The following PUM2 variants were observed in gnomAD, a reference collection of about 807,000 sequenced individuals.
PUM2 encodes the protein pumilio homolog 2.
Under a neutral mutation model 124.5 loss-of-function variants are expected in PUM2, and 57 were observed. The ratio of observed to expected loss-of-function variants is 0.46; its 90% CI spans 0.37 to 0.57. PUM2 has a LOEUF of 0.57. PUM2 is among the 20% of genes least tolerant of loss of function. PUM2 has a pLI of 0.00. For missense variants in PUM2, 1,065 were observed against 1,290.6 expected (o/e 0.83, Z 2.68); for synonymous variants, 460 against 446.1 (o/e 1.03, Z -0.39).
chr2:20,290,624 A>C (rs143513104), intron 10 of PUM2, 28 bp downstream of exon 10: 1 of 1,582,936 alleles, frequency 6.3e-7, no homozygotes, highest in Non-Finnish European at 8.6e-7. Flanking sequence ...AAATCTATTC[A>C]AATTTCCACA....
chr2:20,336,683 G>A (rs1160588729), intron 1 of PUM2, among the ~76,000 whole-genome samples: 1 of 49,476 alleles, frequency 2.0e-5, no homozygotes. Context: ...TGGCTAATTT[G>A]TGTGTGTGTG....
intron 5 of PUM2, among the ~76,000 whole-genome samples, chr2:20,311,071 A>G (rs887640631): frequency 3.9e-5 from 6 of 152,054 alleles, no homozygotes; most frequent in African/African-American, 1.4e-4. Flanking sequence ...GTCTCCTCTT[A>G]AAAGTTAAAT....
intron 13 of PUM2, among the ~76,000 whole-genome samples, chr2:20,269,786 A>AT (rs766030683): frequency 9.9e-4 from 151 of 152,328 alleles, no homozygotes; most frequent in Non-Finnish European, 1.7e-3. Context: ...TCTATCAGCA[A>AT]TTTTTAAAAA....
Position 20,312,478 on chromosome 2 carries a change from G to T in PUM2, c.161-55C>A, listed in dbSNP as rs548122841. The T allele has an allele frequency of 2.2e-5, 32 of 1,464,202 alleles. No individual in the cohort carries two copies. In the Admixed American group the frequency reaches 2.5e-4, roughly 12 times the overall value. 90.7% of individuals were successfully genotyped at this position (1,464,202 alleles called of 1,614,324 possible). A position where few individuals can be genotyped will look rare whatever the true frequency, so the allele number is the denominator to read the frequency against. ...CTTATACTTTTAAGTTAAACAAAAT[G>T]TAGTTAAATTAATATACTGAAGTAA... On this transcript the variant is annotated intron_variant, in intron 3 of 20. Transcript: ENST00000361078.
chr2:20,334,265 T>C (rs1283069706), intron 1 of PUM2, among the ~76,000 whole-genome samples: 1 of 152,110 alleles, frequency 6.6e-6, no homozygotes, highest in Non-Finnish European at 1.5e-5. Context: ...TGAGCCATGG[T>C]CCGCTCCACT....
chr2:20,297,474 T>C (rs541930526), intron 8 of PUM2, 79 bp downstream of exon 8: 4 of 1,270,996 alleles, frequency 3.1e-6, no homozygotes, highest in Non-Finnish European at 4.2e-6. Flanking sequence ...ATTGCCCAAA[T>C]AGAGAAAAAT....
rs1685295653 is a variant in PUM2 at position 20,333,295 on chromosome 2, GAGGCTATGGTGGGAGGATCGC to G, written c.-18-5938_-18-5918del. ...ATGCCTGTAATCCTAACACATTATT[GAGGCTATGGTGGGAGGATCGC>G]TTGAGGCCAGGAATTCAAGACCATC... On this transcript the variant is annotated intron_variant, in intron 1 of 20. Transcript: ENST00000361078. Among the ~76,000 whole-genome samples the G allele has an allele frequency of 3.2e-4, 49 of 152,246 alleles. No homozygotes were observed. The South Asian group carries it at 9.9e-3, about 31-fold the overall frequency.
At chr2:20,339,611 GGCTCATGCCTGTAA>G (rs1686833371) in intron 1 of PUM2, among the ~76,000 whole-genome samples, 1 of 152,206 alleles carries the variant, frequency 6.6e-6, no homozygotes, top group Non-Finnish European at 1.5e-5. Flanking sequence ...CAGGCATGGT[GGCTCATGCCTGTAA>G]GCCCAGCACT....
intron 7 of PUM2, 120 bp downstream of exon 7, chr2:20,307,858 A>G (rs1053890718): frequency 3.0e-6 from 4 of 1,315,046 alleles, no homozygotes; most frequent in Non-Finnish European, 3.0e-6. Context: ...ACAACCTATT[A>G]CTTGTTGATC....
Position 20,300,221 on chromosome 2 carries a change from C to T in PUM2, c.884-2543G>A, listed in dbSNP as rs1310224968. 3.3e-5 allele frequency among the ~76,000 whole-genome samples: 5 copies of T among 151,934 alleles called. No individual in the cohort carries two copies. The East Asian group carries it at 9.6e-4, about 29-fold the overall frequency. ...TTGGAGTGCAGTAGCACGATCTTGG[C>T]TCACCACAACCTCCGCCTCCCGGGT... On this transcript the variant is annotated intron_variant, in intron 7 of 20. Coordinates refer to ENST00000361078, the MANE Select transcript of PUM2 (RefSeq NM_015317.5).
intron 1 of PUM2, among the ~76,000 whole-genome samples, chr2:20,329,174 CAAAAAA>C (rs769818181): frequency 1.6e-5 from 1 of 63,104 alleles, no homozygotes; most frequent in Non-Finnish European, 3.4e-5. Context: ...ACCCTGTCTC[CAAAAAA>C]AAAAAAAAAA....
intron 3 of PUM2, among the ~76,000 whole-genome samples, chr2:20,315,836 CAAA>C (rs60828412): frequency 4.1e-5 from 3 of 72,348 alleles, no homozygotes; most frequent in Non-Finnish European, 7.7e-5. Flanking sequence ...AACCTGGTCT[CAAA>C]AAAAAAAAAA....
At chr2:20,279,660 A>T (rs1671041121) in intron 12 of PUM2, among the ~76,000 whole-genome samples, 1 of 152,130 alleles carries the variant, frequency 6.6e-6, no homozygotes, top group South Asian at 2.1e-4. Flanking sequence ...AAATGTAACT[A>T]TTATCCTTCT....
At chr2:20,254,619 T>C (rs1253388011) in intron 19 of PUM2, among the ~76,000 whole-genome samples, 7 of 152,214 alleles carry the variant, frequency 4.6e-5, no homozygotes, top group African/African-American at 1.7e-4. Flanking sequence ...TAAATCTGCA[T>C]TTCCAGTGTC....
At chr2:20,338,348 G>A (rs1686548375) in intron 1 of PUM2, among the ~76,000 whole-genome samples, 3 of 152,144 alleles carry the variant, frequency 2.0e-5, no homozygotes, top group Non-Finnish European at 4.4e-5. Flanking sequence ...AGTGAGCCGA[G>A]ACTGCACCAC....
intron 13 of PUM2, among the ~76,000 whole-genome samples, chr2:20,273,805 GAAGTACAAA>G (rs1669568879): frequency 6.6e-6 from 1 of 152,060 alleles, no homozygotes; most frequent in South Asian, 2.1e-4. Context: ...TTACAAATAA[GAAGTACAAA>G]TATAACATAT....
chr2:20,278,162 T>C (rs1670671343), intron 13 of PUM2, among the ~76,000 whole-genome samples: 3 of 152,178 alleles, frequency 2.0e-5, no homozygotes, highest in Admixed American at 6.5e-5. Context: ...TGGCCAGGCA[T>C]AGAAAGACCA....
chr2:20,342,825 A>C (rs1434993079), intron 1 of PUM2, among the ~76,000 whole-genome samples: 1 of 152,234 alleles, frequency 6.6e-6, no homozygotes, highest in East Asian at 1.9e-4. Context: ...AAGTGAGATG[A>C]AATGACCAAG....
chr2:20,325,645 G>C (rs867150230), intron 2 of PUM2, among the ~76,000 whole-genome samples: 1 of 144,278 alleles, frequency 6.9e-6, no homozygotes, highest in Non-Finnish European at 1.5e-5. Flanking sequence ...TTTTTGAGAC[G>C]GAGTCTCGGT....
Sources: allele counts gnomAD v4.1 joint callset (sites outside exome capture counted in the v4.1 genomes callset), GRCh38; gene constraint gnomAD v4.1.1; transcripts MANE v1.5; gene names NCBI Gene and HGNC (gene_info 2026-07-23, HGNC 2026-07-21).